POMT2: variants seen among roughly 807,000 people sequenced by gnomAD.
POMT2 encodes protein O-mannosyltransferase 2.
A neutral mutation model predicts 100.0 loss-of-function variants in POMT2; 75 were observed. The ratio of observed to expected loss-of-function variants is 0.75; its 90% confidence interval spans 0.62 to 0.91. The LOEUF (loss-of-function observed/expected upper bound fraction) is 0.91. Ranked by LOEUF, POMT2 falls within the 40% of genes least tolerant of loss-of-function variation. POMT2 has a pLI of 0.00. For synonymous variants in POMT2, 378 were observed against 374.1 expected (o/e 1.01, Z -0.12); for missense variants, 940 against 955.1 (o/e 0.98, Z 0.21).
chr14:77,309,350 G>C (rs1891358069), intron 2 of POMT2, among the ~76,000 whole-genome samples: 1 of 152,148 alleles, frequency 6.6e-6, no homozygotes. Context: ...TCCTGTTTAA[G>C]TTCCAGGTGC....
chr14:77,280,594 G>GA, intron 15 of POMT2, 131 bp from the exon 16 acceptor site: 2 of 1,538,878 alleles, frequency 1.3e-6, no homozygotes, highest in Non-Finnish European at 1.8e-6. Flanking sequence ...TCCCTTGCAG[G>GA]GAAGAATCAG....
Position 77,320,414 on chromosome 14 carries a change from G to T in POMT2, c.248+20C>A, listed in dbSNP as rs1471456899. The T allele has an allele frequency of 1.3e-6, 2 of 1,545,872 alleles. No individual in the cohort carries two copies. The highest frequency in any genetic ancestry group is 1.4e-5 in the African/African-American group (1 of 73,158). On this transcript the variant is annotated intron_variant, in intron 1 of 20. Coordinates refer to ENST00000261534, the MANE Select transcript of POMT2 (RefSeq NM_013382.7). ...CGTCGCGGTTGCCATGGTGCCCGCC[G>T]AGTCCCTCCCATCACTCACCAGATG...
At chr14:77,305,440 G>A (rs902504367) in intron 3 of POMT2, among the ~76,000 whole-genome samples, 2 of 152,158 alleles carry the variant, frequency 1.3e-5, no homozygotes, top group Admixed American at 6.5e-5. Flanking sequence ...AAATTCTCAC[G>A]TTTGGTTGTC....
At chr14:77,312,711 T>TA (rs1414293180) in intron 1 of POMT2, 1 of 152,128 alleles carries the variant, frequency 6.6e-6, no homozygotes, top group Non-Finnish European at 1.5e-5. Context: ...AAATTTAAAT[T>TA]AAAAAAAGTT....
chr14:77,291,347 G>A lies in POMT2; in HGVS notation c.1150C>T (p.Leu384=), dbSNP rs750820424. Residue 384 remains leucine, a synonymous_variant, in exon 10 of 21, where the codon CTG becomes TTG. Transcript: ENST00000261534. ...GTGTTATGTTTCTTGATAATCCACA[G>A]GTTGTTGTAGTCCTTGTGCAAATAG... ...TTYLHKDYNN[L]WIIKKHNTNS... The A allele has an allele frequency of 1.3e-6, 2 of 1,505,390 alleles. No homozygotes were observed. Among genetic ancestry groups the A allele is most frequent in the South Asian group, 2.2e-5 (2 of 89,466 alleles). 93.3% of individuals were successfully genotyped at this position (1,505,390 alleles called of 1,614,324 possible).
chr14:77,277,187 G>GCGGCTCTCTCC lies in POMT2; in HGVS notation c.*178_*188dup, dbSNP rs1889996766. The GCGGCTCTCTCC allele has an allele frequency of 1.1e-5, 7 of 623,486 alleles. No individual in the cohort carries two copies. In the East Asian group the frequency reaches 2.0e-4, roughly 18 times the overall value. The allele number at this position is 623,486 out of a possible 1,614,324, so 38.6% of individuals were successfully genotyped here. ...TCTCCGTGGTGCTGTGGACGGAGCT[G>GCGGCTCTCTCC]CGGCTCTCTCCCGGCTCTCTCCAAT... On this transcript the variant is annotated 3_prime_UTR_variant, in exon 21 of 21. Coordinates refer to ENST00000261534, the MANE Select transcript of POMT2 (RefSeq NM_013382.7).
Position 77,320,590 on chromosome 14 carries a change from C to G in POMT2, c.92G>C (p.Arg31Pro), listed in dbSNP as rs747973852. 2 of 1,581,024 alleles carry G rather than the reference C, an allele frequency of 1.3e-6. No homozygotes were observed. The highest frequency in any genetic ancestry group is 1.3e-5 in the African/African-American group (1 of 74,498). Residue 31 changes from arginine (R) to proline (P), a missense_variant, in exon 1 of 21, where the codon CGG (arginine) becomes CCG (proline). Arg to Pro is a moderately radical substitution (Grantham distance 103). Transcript: ENST00000261534. ...CGPQAARAAG[R>P]DVAAEAVARS... Reference sequence around the variant, plus strand: ...CGCCACAGCCTCAGCGGCCACGTCCCGGCCTGCGGCCCTAGCAGCCTGGGG... The same window carrying G: ...CGCCACAGCCTCAGCGGCCACGTCCGGGCCTGCGGCCCTAGCAGCCTGGGG...
intron 1 of POMT2, among the ~76,000 whole-genome samples, chr14:77,316,134 T>C (rs1891616736): frequency 6.6e-6 from 1 of 152,246 alleles, no homozygotes; most frequent in South Asian, 2.1e-4. Flanking sequence ...AGGACAGCTA[T>C]TAACTCCTTA....
chr14:77,288,633 A>G (rs1232048372), intron 11 of POMT2, 129 bp downstream of exon 11: 1 of 784,260 alleles, frequency 1.3e-6, no homozygotes, highest in Admixed American at 2.0e-5. Flanking sequence ...TGCTTCTCCC[A>G]TTCTCGCACT....
At chr14:77,317,415 TAC>T (rs1436107666) in intron 1 of POMT2, among the ~76,000 whole-genome samples, 1 of 152,230 alleles carries the variant, frequency 6.6e-6, no homozygotes, top group Non-Finnish European at 1.5e-5. Context: ...CCAAACCATC[TAC>T]AGTCTGACAC....
At chr14:77,281,968 A>G (rs972725) in intron 15 of POMT2, among the ~76,000 whole-genome samples, 126,022 of 152,114 alleles carry the variant, frequency 0.83, 52,383 homozygotes, top group East Asian at 0.95. Context: ...ACAGGCCTCT[A>G]CATGGTGGAG....
rs1890019990 is a variant in POMT2, at chr14:77,277,600, CT to C, written c.2148-120del. The stretch of plus-strand genomic sequence containing the variant: ...ATTCCCCATCGCCAAGCCCGGTTCT[CT>C]TTCACGGCCTTGTCTGTCTGAGTCC... On this transcript the variant is annotated intron_variant, in intron 20 of 20. Coordinates refer to ENST00000261534, the MANE Select transcript of POMT2 (RefSeq NM_013382.7). 152 of 814,716 alleles carry C rather than the reference CT, an allele frequency of 1.9e-4. 3 individuals carry two copies. In the South Asian group the frequency reaches 2.1e-3, roughly 11 times the overall value. The allele number at this position is 814,716 out of a possible 1,614,324, so 50.5% of individuals were successfully genotyped here.
intron 18 of POMT2, chr14:77,279,594 A>G (rs771145451): frequency 3.3e-5 from 22 of 662,944 alleles, no homozygotes; most frequent in South Asian, 2.7e-4. Context: ...TTCCTAATCC[A>G]TAAAATGGGG....
intron 8 of POMT2, chr14:77,296,561 C>T: frequency 2.3e-6 from 1 of 441,232 alleles, no homozygotes; most frequent in Non-Finnish European, 4.2e-6. Flanking sequence ...AACAACTTGT[C>T]CTTCTCAAGG....
intron 6 of POMT2, 105 bp from the exon 7 acceptor site, chr14:77,299,666 TA>T: frequency 1.1e-6 from 1 of 903,008 alleles, no homozygotes. Flanking sequence ...GTCATAATCA[TA>T]AAAAATGGCC....
chr14:77,296,946 C>T (rs1486868087), intron 8 of POMT2, among the ~76,000 whole-genome samples: 2 of 152,182 alleles, frequency 1.3e-5, no homozygotes, highest in Non-Finnish European at 2.9e-5. Flanking sequence ...CTGCCTGTGG[C>T]CCTGGAAGAG....
rs1425226522 is a variant in POMT2, at chr14:77,278,294, T to C, written c.2147+100A>G. The stretch of plus-strand genomic sequence containing the variant: ...ACGCAGAACCTCCAGGCATGGGCAC[T>C]GGTGGTGTTAAAAGCACCGCAGGGG... On this transcript the variant is annotated intron_variant, in intron 20 of 20. Transcript: ENST00000261534. 78 of 998,926 alleles carry C rather than the reference T, an allele frequency of 7.8e-5. No individual in the cohort carries two copies. In the South Asian group the frequency reaches 8.8e-4, roughly 11 times the overall value. 61.9% of individuals were successfully genotyped at this position (998,926 alleles called of 1,614,324 possible).
chr14:77,285,309 C>G (rs1890380912), intron 13 of POMT2, 172 bp downstream of exon 13: 1 of 884,804 alleles, frequency 1.1e-6, no homozygotes, highest in Non-Finnish European at 1.7e-6. Flanking sequence ...CCGAAGCTCC[C>G]CCGGAGTTCT....
chr14:77,286,533 G>A (rs951546239), intron 12 of POMT2, among the ~76,000 whole-genome samples: 10 of 152,228 alleles, frequency 6.6e-5, no homozygotes, highest in Non-Finnish European at 1.2e-4. Context: ...TGGTTATTAT[G>A]TGAGGAGAGA....
Sources: gnomAD v4.1 joint callset for allele counts (sites outside exome capture counted in the v4.1 genomes callset) on GRCh38, gnomAD v4.1.1 for gene constraint, MANE v1.5 for transcripts, NCBI Gene and HGNC (gene_info 2026-07-23, HGNC 2026-07-21) for gene names.